FBN2: variants seen among roughly 807,000 people sequenced by gnomAD.
The protein encoded by FBN2 is fibrillin 2, also known as fibrillin-2.
Under a neutral mutation model 355.6 loss-of-function variants are expected in FBN2, and 105 were observed. The ratio of observed to expected loss-of-function variants is 0.30; its 90% CI spans 0.25 to 0.35. FBN2 has a LOEUF of 0.35. Ranked by LOEUF, FBN2 falls within the 10% of genes least tolerant of loss-of-function variation. The pLI is 1.00. For missense variants in FBN2, 3,280 were observed against 3,758.7 expected (o/e 0.87, Z 3.33); for synonymous variants, 1,350 against 1,301.2 (o/e 1.04, Z -0.81).
At chr5:128,343,137 G>C (rs978510395) in intron 25 of FBN2, among the ~76,000 whole-genome samples, 1 of 152,200 alleles carries the variant, frequency 6.6e-6, no homozygotes, top group Admixed American at 6.5e-5. Context: ...GAGGGTAGAG[G>C]AGAGGGCATG....
At position 128,277,305 on chromosome 5, in the gene FBN2, A is replaced by C. The variant is rs376130399; in HGVS notation, c.7471+575T>G. 1.3e-5 allele frequency among the ~76,000 whole-genome samples: 2 copies of C among 152,224 alleles called. 1 individual carries two copies. Among genetic ancestry groups the C allele is most frequent in the South Asian group, 4.1e-4 (2 of 4,836 alleles). ...CATATATAGGTGTGAGTGAGACAAT[A>C]AAAAACCGAATAAGAAAAATAAATT... On this transcript the variant is annotated intron_variant, in intron 58 of 64. Coordinates refer to ENST00000262464, the MANE Select transcript of FBN2 (RefSeq NM_001999.4).
Position 128,324,619 on chromosome 5 carries a change from C to CTT in FBN2, c.4471+4075_4471+4076dup, listed in dbSNP as rs1166002656. Among the ~76,000 whole-genome samples the CTT allele has an allele frequency of 6.5e-5, 9 of 137,710 alleles. 1 individual carries two copies. Among genetic ancestry groups the CTT allele is most frequent in the South Asian group, 4.6e-4 (2 of 4,330 alleles). The allele number at this position is 137,710 out of a possible 152,430, so 90.3% of individuals were successfully genotyped here. On this transcript the variant is annotated intron_variant, in intron 34 of 64. Coordinates refer to ENST00000262464, the MANE Select transcript of FBN2 (RefSeq NM_001999.4). ...TTTTGAGTGAGTTTGTTTTCTTTTT[C>CTT]TTTTTTTTTTTTTTTGAGATGGAGT...
chr5:128,290,865 G>A lies in FBN2; in HGVS notation c.6312C>T (p.Cys2104=). ...RRCFDTRQSF[C]FTNFENGKCS... ...ACTTTCCATTTTCAAAATTTGTGAA[G>A]CAGAAGCTCTGGCGAGTATCTAATC... The change falls in exon 50 of 65, where the codon TGC becomes TGT. Residue 2104 remains cysteine, a synonymous_variant. Coordinates refer to ENST00000262464, the MANE Select transcript of FBN2 (RefSeq NM_001999.4). 6.2e-7 allele frequency: 1 copy of A among 1,614,032 alleles called. No homozygotes were observed. The highest frequency in any genetic ancestry group is 1.1e-5 in the South Asian group (1 of 91,072).
intron 11 of FBN2, among the ~76,000 whole-genome samples, chr5:128,382,290 C>T (rs1026329787): frequency 2.0e-5 from 3 of 152,184 alleles, no homozygotes; most frequent in Non-Finnish European, 4.4e-5. Context: ...GTGTGCCCTT[C>T]CCTAACTTCA....
At position 128,447,193 on chromosome 5, in the gene FBN2, A is replaced by G. The variant is rs192226822; in HGVS notation, c.827-587T>C. Among the ~76,000 whole-genome samples, 73 of 152,332 alleles carry G rather than the reference A, an allele frequency of 4.8e-4. 1 individual carries two copies. In the East Asian group the frequency reaches 8.3e-3, roughly 17 times the overall value. ...ACGATATGAAATCTAGGCACCTTGA[A>G]AAAAGAACAGGATAACAGCGATGTT... is the stretch of plus-strand genomic sequence containing the variant. On this transcript the variant is annotated intron_variant, in intron 6 of 64. Transcript: ENST00000262464.
chr5:128,291,506 A>C (rs374583146), intron 49 of FBN2, 23 bp downstream of exon 49: 182 of 1,613,444 alleles, frequency 1.1e-4, no homozygotes, highest in South Asian at 2.2e-4. Flanking sequence ...GAACTGTGAC[A>C]GTGAAGTCAT....
chr5:128,531,212 T>C (rs1027282873), intron 2 of FBN2, among the ~76,000 whole-genome samples: 4 of 152,104 alleles, frequency 2.6e-5, no homozygotes, highest in African/African-American at 7.2e-5. Context: ...ATATATATAA[T>C]GGAATACTAT....
Position 128,393,350 on chromosome 5 carries a change from C to A in FBN2, c.1250G>T (p.Cys417Phe). Reference protein sequence around the residue: ...VRGSEEYRRLCMDGLPMGGIP... With the variant: ...VRGSEEYRRLFMDGLPMGGIP... Reference sequence around the variant, plus strand: ...TCCTCCCATTGGAAGTCCATCCATGCAAAGTCTGCGATATTCCTCTAGAAG... The same window carrying A: ...TCCTCCCATTGGAAGTCCATCCATGAAAAGTCTGCGATATTCCTCTAGAAG... Residue 417 changes from cysteine to phenylalanine, a missense_variant, in exon 10 of 65, where the codon TGC becomes TTC. Cys to Phe is a radical substitution (Grantham distance 205). Around this residue, in one of 6 missense-constraint regions of FBN2, gnomAD observed 343 missense variants for 331.0 expected, o/e 1.04. Coordinates refer to ENST00000262464, the MANE Select transcript of FBN2 (RefSeq NM_001999.4). The A allele has an allele frequency of 6.2e-7, 1 of 1,614,088 alleles. No homozygotes were observed. Among genetic ancestry groups the A allele is most frequent in the Non-Finnish European group, 8.5e-7 (1 of 1,179,972 alleles).
chr5:128,456,425 T>C (rs569705918), intron 6 of FBN2, among the ~76,000 whole-genome samples: 2 of 152,112 alleles, frequency 1.3e-5, no homozygotes, highest in East Asian at 1.9e-4. Context: ...CAAAACACAC[T>C]CTCTCCACCA....
At chr5:128,510,108 A>C (rs2127150920) in intron 5 of FBN2, among the ~76,000 whole-genome samples, 1 of 152,202 alleles carries the variant, frequency 6.6e-6, no homozygotes, top group African/African-American at 2.4e-5. Flanking sequence ...ATCTCCCCAG[A>C]ACTTAGGGAG....
At chr5:128,390,238 T>C (rs1050143972) in intron 11 of FBN2, among the ~76,000 whole-genome samples, 8 of 152,230 alleles carry the variant, frequency 5.3e-5, no homozygotes, top group Non-Finnish European at 8.8e-5. Flanking sequence ...AAACTTTTTG[T>C]ATATGACCTA....
chr5:128,427,942 C>T (rs1753524842), intron 7 of FBN2, among the ~76,000 whole-genome samples: 1 of 152,208 alleles, frequency 6.6e-6, no homozygotes, highest in African/African-American at 2.4e-5. Flanking sequence ...TTTCTCCTCG[C>T]TATGTTCTCC....
At chr5:128,385,694 A>C (rs1347148520) in intron 11 of FBN2, among the ~76,000 whole-genome samples, 1 of 152,116 alleles carries the variant, frequency 6.6e-6, no homozygotes, top group African/African-American at 2.4e-5. Context: ...TCCTTTCTTC[A>C]CAACCTTACC....
At chr5:128,487,968 C>G (rs560254217) in intron 5 of FBN2, among the ~76,000 whole-genome samples, 1 of 152,014 alleles carries the variant, frequency 6.6e-6, no homozygotes, top group Non-Finnish European at 1.5e-5. Context: ...TTCATGTAAA[C>G]AGAATGTAGA....
In FBN2 at chr5:128,354,829, T is replaced by C. The variant is rs147007315; in HGVS notation, c.2674+2447A>G. On this transcript the variant is annotated intron_variant, in intron 20 of 64. Transcript: ENST00000262464. Reference sequence around the variant, plus strand: ...GTACACAGGAATTTGGTTTTAGACATGGGAATTTGAGATATCGATGAGCCA... The same window carrying C: ...GTACACAGGAATTTGGTTTTAGACACGGGAATTTGAGATATCGATGAGCCA... Among the ~76,000 whole-genome samples the C allele has an allele frequency of 3.9e-5, 6 of 152,264 alleles. No individual in the cohort carries two copies. In the East Asian group the frequency reaches 9.6e-4, roughly 24 times the overall value.
intron 5 of FBN2, among the ~76,000 whole-genome samples, chr5:128,512,958 A>G (rs1360021401): frequency 1.3e-5 from 2 of 152,226 alleles, no homozygotes; most frequent in Admixed American, 6.5e-5. Flanking sequence ...TATATATTAT[A>G]TATGTACAAA....
At chr5:128,280,342 T>C in intron 55 of FBN2, 25 bp from the exon 56 acceptor site, 4 of 1,585,832 alleles carry the variant, frequency 2.5e-6, no homozygotes, top group Non-Finnish European at 3.5e-6. Context: ...ACAATATGAA[T>C]AATGAGAAAA....
At position 128,349,812 on chromosome 5, in the gene FBN2, G is replaced by A. The variant is rs1173335223; in HGVS notation, c.2863+143C>T. 4.1e-6 allele frequency: 3 copies of A among 728,908 alleles called. No individual in the cohort carries two copies. In the African/African-American group the frequency reaches 5.3e-5, roughly 13 times the overall value. The allele number at this position is 728,908 out of a possible 1,614,324, so 45.2% of individuals were successfully genotyped here. On this transcript the variant is annotated intron_variant, in intron 22 of 64. Transcript: ENST00000262464. Reference sequence around the variant, plus strand: ...TCTTTCCTAAGAGAATTATGCTAAAGCATTTGTTGATTACATCGAGTATTT... The same window carrying A: ...TCTTTCCTAAGAGAATTATGCTAAAACATTTGTTGATTACATCGAGTATTT...
intron 34 of FBN2, among the ~76,000 whole-genome samples, chr5:128,323,712 T>C (rs570502018): frequency 6.6e-6 from 1 of 152,356 alleles, no homozygotes; most frequent in South Asian, 2.1e-4. Flanking sequence ...ATTGAGAATC[T>C]TTGCATCAAT....
Sources: gnomAD v4.1 joint callset for allele counts (sites outside exome capture counted in the v4.1 genomes callset) on GRCh38, gnomAD v4.1.1 for gene constraint, gnomAD v4.1.1 regional missense constraint, MANE v1.5 for transcripts, NCBI Gene and HGNC (gene_info 2026-07-23, HGNC 2026-07-21) for gene names.